Variants in PHF8 observed in about 807,000 individuals in gnomAD.
PHF8 encodes the protein PHD finger protein 8, also known as histone lysine demethylase PHF8.
A neutral mutation model predicts 74.4 loss-of-function variants in PHF8; 9 were observed. The ratio of observed to expected loss-of-function variants is 0.12; its 90% CI spans 0.07 to 0.21. PHF8 has a LOEUF of 0.21. PHF8 is among the 10% of genes least tolerant of loss of function. The pLI is 1.00. For synonymous variants in PHF8, 311 were observed against 316.6 expected (o/e 0.98, Z 0.19); for missense variants, 478 against 816.6 (o/e 0.59, Z 5.05).
At chrX:54,032,902 C>T (rs192983177) in intron 2 of PHF8, among the ~76,000 whole-genome samples, 1 of 111,822 alleles carries the variant, frequency 8.9e-6, no homozygotes, top group African/African-American at 3.2e-5. Flanking sequence ...TTTAACCTAT[C>T]ACTGCTGGTT....
intron 18 of PHF8, among the ~76,000 whole-genome samples, chrX:53,964,296 T>C (rs1302268717): frequency 9.0e-6 from 1 of 110,799 alleles, no homozygotes; most frequent in African/African-American, 3.3e-5. Context: ...GACGGGTTGA[T>C]GGGTGCAGCA....
In PHF8 at chrX:53,937,523, TA is replaced by T. The variant is rs1354595156; in HGVS notation, c.*1634del. The T allele has an allele frequency of 5.1e-5, 6 of 117,053 alleles. No homozygotes were observed. Among genetic ancestry groups the T allele is most frequent in the African/African-American group, 1.6e-4 (5 of 30,624 alleles). The allele number at this position is 117,053 out of a possible 1,213,427, so 9.6% of individuals were successfully genotyped here. On this transcript the variant is annotated 3_prime_UTR_variant, in exon 22 of 22. Coordinates refer to ENST00000338154, the MANE Select transcript of PHF8 (RefSeq NM_015107.3). The stretch of plus-strand genomic sequence containing the variant: ...GGGAGGGGAGTAGGGACTCACGTGC[TA>T]GGGGGGAGGTAGCCAGGCTTTTTGC...
upstream of PHF8, among the ~76,000 whole-genome samples, chrX:54,045,949 T>G (rs1325310083): frequency 6.7e-4 from 19 of 28,566 alleles, no homozygotes; most frequent in African/African-American, 1.1e-3. Flanking sequence ...GTTTAGGGTT[T>G]TTTTTTTTTT....
At chrX:53,989,216 C>T (rs1347427845) in intron 14 of PHF8, among the ~76,000 whole-genome samples, 3 of 111,091 alleles carry the variant, frequency 2.7e-5, no homozygotes, top group Non-Finnish European at 5.7e-5. Flanking sequence ...CCACCCTGGC[C>T]TCCCAAAGTG....
At chrX:54,011,087 T>C (rs2065975946) in intron 8 of PHF8, 35 bp downstream of exon 8, 4 of 1,172,392 alleles carry the variant, frequency 3.4e-6, no homozygotes, top group Non-Finnish European at 4.6e-6. Context: ...CTTTCCACCC[T>C]CCCCAAACCC....
chrX:53,957,149 A>G (rs2065025902), intron 19 of PHF8, among the ~76,000 whole-genome samples: 1 of 107,063 alleles, frequency 9.3e-6, no homozygotes. Flanking sequence ...GATCGAGACC[A>G]TCTTGGCCAA....
At chrX:54,011,514 A>T (rs2065980619) in intron 7 of PHF8, among the ~76,000 whole-genome samples, 1 of 112,329 alleles carries the variant, frequency 8.9e-6, no homozygotes, top group African/African-American at 3.2e-5. Context: ...ACAAATTGGA[A>T]AGGGCATTTC....
In PHF8 at chrX:54,044,409, TGA is replaced by T. The variant is rs1300246014; in HGVS notation, c.-742_-741del. The stretch of plus-strand genomic sequence containing the variant: ...AATACGGGATAAACAGCTACCATGT[TGA>T]GAGTGGCGGCGCTACCCAGACAACC... On this transcript the variant is annotated 5_prime_UTR_variant, in exon 1 of 22. It removes the in-frame stop codon of an upstream open reading frame in the 5' UTR. Coordinates refer to ENST00000338154, the MANE Select transcript of PHF8 (RefSeq NM_015107.3). The T allele has an allele frequency of 1.2e-5, 9 of 753,216 alleles. No individual in the cohort carries two copies. The highest frequency in any genetic ancestry group is 1.4e-5 in the Non-Finnish European group (9 of 638,115). The allele number at this position is 753,216 out of a possible 1,213,427, so 62.1% of individuals were successfully genotyped here.
At chrX:53,993,310 C>A (rs2065696853) in intron 13 of PHF8, among the ~76,000 whole-genome samples, 1 of 112,008 alleles carries the variant, frequency 8.9e-6, no homozygotes, top group African/African-American at 3.2e-5. Flanking sequence ...CTCAGGGTCC[C>A]ACACACACCC....
chrX:54,008,098 G>A (rs1364929936), intron 8 of PHF8, among the ~76,000 whole-genome samples: 1 of 112,056 alleles, frequency 8.9e-6, no homozygotes, highest in Non-Finnish European at 1.9e-5. Context: ...GGTCGGCGCA[G>A]TGGCTCACAC....
At chrX:54,018,453 C>CTTTTT (rs781948184) in intron 4 of PHF8, among the ~76,000 whole-genome samples, 1 of 76,698 alleles carries the variant, frequency 1.3e-5, no homozygotes, top group African/African-American at 4.5e-5. Context: ...GAGTCCCTGT[C>CTTTTT]TTTTTTTTTT....
rs1329855733 is a variant in PHF8, at chrX:54,036,893, G to C, written c.98+5738C>G. On this transcript the variant is annotated intron_variant, in intron 2 of 21. Coordinates refer to ENST00000338154, the MANE Select transcript of PHF8 (RefSeq NM_015107.3). ...CGAGCGCCTATAATCCCAGCTAGTA[G>C]GGAGGCTGAGGCAGGAAAATCACTT... Among the ~76,000 whole-genome samples the C allele has an allele frequency of 4.6e-5, 5 of 107,728 alleles. No homozygotes were observed. The East Asian group carries it at 1.5e-3, about 31-fold the overall frequency. The allele number at this position is 107,728 out of a possible 115,157, so 93.5% of individuals were successfully genotyped here.
intron 18 of PHF8, among the ~76,000 whole-genome samples, chrX:53,969,798 G>C (rs1168035805): frequency 5.4e-5 from 6 of 111,829 alleles, no homozygotes; most frequent in Non-Finnish European, 1.1e-4. Context: ...GAACAGCATA[G>C]AGAATCCAGA....
intron 2 of PHF8, among the ~76,000 whole-genome samples, chrX:54,024,589 CA>C (rs1363229052): frequency 8.9e-6 from 1 of 111,767 alleles, no homozygotes; most frequent in Non-Finnish European, 1.9e-5. Context: ...CTCTCTTCAA[CA>C]AACACTCCTT....
intron 2 of PHF8, among the ~76,000 whole-genome samples, chrX:54,039,331 T>C (rs1340943162): frequency 1.8e-5 from 2 of 111,632 alleles, no homozygotes; most frequent in African/African-American, 6.5e-5. Context: ...CTGTGAGCAA[T>C]GCACTGAGTA....
rs1372749982 is a variant in PHF8, at chrX:53,997,274, A to G, written c.1234-1492T>C. On this transcript the variant is annotated intron_variant, in intron 11 of 21. Transcript: ENST00000338154. ...CTCTCTTTCGTTTGCCCTCTTTTTG[A>G]GTACCGAGATTTACATTTTTATGTA... is the stretch of plus-strand genomic sequence containing the variant. Among the ~76,000 whole-genome samples, 3 of 111,666 alleles carry G rather than the reference A, an allele frequency of 2.7e-5. No homozygotes were observed. In the Admixed American group the frequency reaches 2.8e-4, roughly 11 times the overall value.
chrX:53,948,723 C>T (rs1403660378), intron 19 of PHF8, among the ~76,000 whole-genome samples: 3 of 111,564 alleles, frequency 2.7e-5, no homozygotes, highest in Non-Finnish European at 5.6e-5. Context: ...TCTACTTTTA[C>T]ATATGTTTAA....
chrX:53,945,794 A>G (rs1183591107), intron 19 of PHF8, among the ~76,000 whole-genome samples: 2 of 111,285 alleles, frequency 1.8e-5, no homozygotes, highest in Non-Finnish European at 3.8e-5. Flanking sequence ...CTTTAAGGTA[A>G]GCTGAAATCA....
At chrX:54,017,263 T>C (rs1199445707) in intron 5 of PHF8, among the ~76,000 whole-genome samples, 5 of 111,974 alleles carry the variant, frequency 4.5e-5, no homozygotes, top group Admixed American at 2.8e-4. Flanking sequence ...CTGGGCAACA[T>C]AGTGTGACAT....
Sources: allele counts gnomAD v4.1 joint callset (sites outside exome capture counted in the v4.1 genomes callset), GRCh38; gene constraint gnomAD v4.1.1; transcripts MANE v1.5; gene names NCBI Gene and HGNC (gene_info 2026-07-23, HGNC 2026-07-21).